INAFM1: variants seen among roughly 807,000 people sequenced by gnomAD.
The protein encoded by INAFM1 is putative transmembrane protein INAFM1.
INAFM1 carries 11 observed loss-of-function variants against 9.4 expected under a neutral mutation model. That is an observed-to-expected ratio of 1.17 (90% confidence interval 0.74 to 1.94). The LOEUF (loss-of-function observed/expected upper bound fraction) is 1.94, where lower values mean the gene tolerates loss of function less well. Ranked by LOEUF, INAFM1 falls within the 30% of genes most tolerant of loss-of-function variation. The pLI, the probability that INAFM1 is intolerant of heterozygous loss-of-function variation, is 0.00. For missense variants in INAFM1, 318 were observed against 221.6 expected (o/e 1.44, Z -2.76); for synonymous variants, 161 against 109.5 (o/e 1.47, Z -2.94).
upstream of INAFM1, chr19:47,274,729 G>T: frequency 3.5e-6 from 1 of 286,218 alleles, no homozygotes; most frequent in Admixed American, 6.0e-5. Context: ...CCTGTCGGTG[G>T]TGGGGCGGAG....
At position 47,275,133 on chromosome 19, in the gene INAFM1, C is replaced by G. The variant is rs1281134441; in HGVS notation, c.214C>G (p.Pro72Ala). 6.7e-7 allele frequency: 1 copy of G among 1,490,784 alleles called. No homozygotes were observed. Among genetic ancestry groups the G allele is most frequent in the South Asian group, 1.3e-5 (1 of 78,830 alleles). The allele number at this position is 1,490,784 out of a possible 1,614,324, so 92.3% of individuals were successfully genotyped here. A position where few individuals can be genotyped will look rare whatever the true frequency, so the allele number is the denominator to read the frequency against. The change falls in exon 1 of 1, where the codon CCG (proline) becomes GCG (alanine). Residue 72 changes from proline to alanine, a missense_variant. Coordinates refer to ENST00000552360, the MANE Select transcript of INAFM1 (RefSeq NM_178511.6). The stretch of plus-strand genomic sequence containing the variant: ...ACCCGCCGGCCCACAGCCCAGCGCG[C>G]CGTCCCCTCCGTGTGCTGCCCGCCC... ...AAPAGPQPSA[P>A]SPPCAARPGV...
chr19:47,275,513 GGCCTTGCCTCTTGCA>G lies in INAFM1; in HGVS notation c.*168_*182del. On this transcript the variant is annotated 3_prime_UTR_variant, in exon 1 of 1. Coordinates refer to ENST00000552360, the MANE Select transcript of INAFM1 (RefSeq NM_178511.6). ...GGGGGCCCAGGGGGTGTCAGCTCGG[GGCCTTGCCTCTTGCA>G]GCTACTCTGTGGTCAGGCCGGGTCC... The G allele has an allele frequency of 1.0e-6, 1 of 985,568 alleles. No individual in the cohort carries two copies. Among genetic ancestry groups the G allele is most frequent in the South Asian group, 1.8e-5 (1 of 55,648 alleles). The allele number at this position is 985,568 out of a possible 1,614,324, so 61.1% of individuals were successfully genotyped here. A position where few individuals can be genotyped will look rare whatever the true frequency, so the allele number is the denominator to read the frequency against.
At position 47,275,063 on chromosome 19, in the gene INAFM1, C is replaced by G; in HGVS notation, c.144C>G (p.Ala48=). ...TCTCGCTAGCTGCCGTGCTGCTCGCCGTGTACTACGGTCTCATCTGGGTAC... is the reference window on the plus strand; with the variant it reads ...TCTCGCTAGCTGCCGTGCTGCTCGCGGTGTACTACGGTCTCATCTGGGTAC... The part of the protein sequence containing the change: ...LCVSLAAVLL[A]VYYGLIWVPT... The change falls in exon 1 of 1, where the codon GCC becomes GCG. Residue 48 remains alanine (A), a synonymous_variant. Coordinates refer to ENST00000552360, the MANE Select transcript of INAFM1 (RefSeq NM_178511.6). 6.7e-7 allele frequency: 1 copy of G among 1,494,994 alleles called. No homozygotes were observed. Among genetic ancestry groups the G allele is most frequent in the African/African-American group, 1.5e-5 (1 of 68,698 alleles). 92.6% of individuals were successfully genotyped at this position (1,494,994 alleles called of 1,614,324 possible).
Position 47,275,424 on chromosome 19 carries a change from G to T in INAFM1, c.*76G>T, listed in dbSNP as rs1323355673. On this transcript the variant is annotated 3_prime_UTR_variant, in exon 1 of 1. Transcript: ENST00000552360. ...CCACGCCGAGGATGCACCGTCTCTG[G>T]ATTGGTCCGGCCTTCTTCCTAATGA... 10 of 1,478,360 alleles carry T rather than the reference G, an allele frequency of 6.8e-6. No homozygotes were observed. The highest frequency in any genetic ancestry group is 9.0e-6 in the Non-Finnish European group (10 of 1,111,170). 91.6% of individuals were successfully genotyped at this position (1,478,360 alleles called of 1,614,324 possible). A position where few individuals can be genotyped will look rare whatever the true frequency, so the allele number is the denominator to read the frequency against.
rs932113724 is a variant in INAFM1, at chr19:47,275,546, C to A, written c.*198C>A. On this transcript the variant is annotated 3_prime_UTR_variant, in exon 1 of 1. Coordinates refer to ENST00000552360, the MANE Select transcript of INAFM1 (RefSeq NM_178511.6). ...CTCTTGCAGCTACTCTGTGGTCAGG[C>A]CGGGTCCTCCACCATCAGGAAGATC... is the stretch of plus-strand genomic sequence containing the variant. 36 of 686,494 alleles carry A rather than the reference C, an allele frequency of 5.2e-5. No individual in the cohort carries two copies. In the African/African-American group the frequency reaches 6.8e-4, roughly 13 times the overall value. The allele number at this position is 686,494 out of a possible 1,614,324, so 42.5% of individuals were successfully genotyped here.
upstream of INAFM1, chr19:47,274,799 T>C (rs1419976403): frequency 3.3e-6 from 2 of 603,820 alleles, no homozygotes; most frequent in Non-Finnish European, 4.0e-6. Flanking sequence ...GTGACCATGC[T>C]GGCGGGGGCG....
Position 47,275,287 on chromosome 19 carries a change from G to C in INAFM1, c.368G>C (p.Arg123Pro), listed in dbSNP as rs1347529967. ...RRRRYSDPDR[R>P]PSRQTPRETP... ...CGCCGCTACAGCGACCCTGACCGCC[G>C]TCCGAGCCGCCAGACACCCAGAGAG... is the stretch of plus-strand genomic sequence containing the variant. The change falls in exon 1 of 1, where the codon CGT becomes CCT. Residue 123 changes from arginine to proline, a missense_variant. Physicochemically the swap from Arg to Pro is moderately radical, Grantham distance 103 (BLOSUM62 -2). Coordinates refer to ENST00000552360, the MANE Select transcript of INAFM1 (RefSeq NM_178511.6). 2.6e-6 allele frequency: 4 copies of C among 1,545,872 alleles called. No individual in the cohort carries two copies. Among genetic ancestry groups the C allele is most frequent in the Non-Finnish European group, 2.6e-6 (3 of 1,145,210 alleles).
At chr19:47,274,754 GC>G (rs1340262586), upstream of INAFM1, 1 of 322,496 alleles carries the variant, frequency 3.1e-6, no homozygotes, top group Non-Finnish European at 4.7e-6. Context: ...GAGGGGGTGG[GC>G]CTAGGATGCG....
Position 47,274,979 on chromosome 19 carries a change from C to G in INAFM1, c.60C>G (p.Ser20Arg). 6.9e-7 allele frequency: 1 copy of G among 1,455,390 alleles called. No individual in the cohort carries two copies. Among genetic ancestry groups the G allele is most frequent in the Non-Finnish European group, 9.0e-7 (1 of 1,108,676 alleles). 90.2% of individuals were successfully genotyped at this position (1,455,390 alleles called of 1,614,324 possible). ...AGAGCCCCGGAGGCGCGGGGCTGAG[C>G]GAGGGCCCGCGGGGGCGCTGGCTGC... ...GAESPGGAGL[S>R]EGPRGRWLRL... The change falls in exon 1 of 1, where the codon AGC becomes AGG. Residue 20 changes from serine (S) to arginine (R), a missense_variant. Coordinates refer to ENST00000552360, the MANE Select transcript of INAFM1 (RefSeq NM_178511.6).
At position 47,275,662 on chromosome 19, in the gene INAFM1, T is replaced by G; in HGVS notation, c.*314T>G. ...CTGCCTCTTCACCTCCCTGAATCCG[T>G]GTCCATCTGCAATAAACGACAGCCT... On this transcript the variant is annotated 3_prime_UTR_variant, in exon 1 of 1. Coordinates refer to ENST00000552360, the MANE Select transcript of INAFM1 (RefSeq NM_178511.6). 1 of 414,198 alleles carries G rather than the reference T, an allele frequency of 2.4e-6. No homozygotes were observed. The allele number at this position is 414,198 out of a possible 1,614,324, so 25.7% of individuals were successfully genotyped here.
At chr19:47,274,760 G>A (rs1171413913), upstream of INAFM1, 3 of 357,980 alleles carry the variant, frequency 8.4e-6, no homozygotes, top group Admixed American at 6.4e-5. Context: ...GTGGGCCTAG[G>A]ATGCGGAGGC....
rs1568645681 is a variant in INAFM1, at chr19:47,275,242, A to T, written c.323A>T (p.Gln108Leu). ...GVPGGPRPQL[Q>L]LPLSRRRRYS... ...CCCGGCGGGCCGCGACCCCAGCTCCAGCTGCCGCTGAGCCGCCGCCGCCGC... is the reference window on the plus strand; with the variant it reads ...CCCGGCGGGCCGCGACCCCAGCTCCTGCTGCCGCTGAGCCGCCGCCGCCGC... The change falls in exon 1 of 1, where the codon CAG (glutamine) becomes CTG (leucine). Residue 108 changes from glutamine to leucine, a missense_variant. Coordinates refer to ENST00000552360, the MANE Select transcript of INAFM1 (RefSeq NM_178511.6). 6.5e-7 allele frequency: 1 copy of T among 1,536,444 alleles called. No homozygotes were observed. Among genetic ancestry groups the T allele is most frequent in the Admixed American group, 2.0e-5 (1 of 50,410 alleles).
Position 47,274,990 on chromosome 19 carries a change from G to A in INAFM1, c.71G>A (p.Arg24Gln). ...PGGAGLSEGP[R>Q]GRWLRLAPVC... ...GGCGCGGGGCTGAGCGAGGGCCCGC[G>A]GGGGCGCTGGCTGCGCTTGGCTCCG... The change falls in exon 1 of 1, where the codon CGG (arginine) becomes CAG (glutamine). Residue 24 changes from arginine (R) to glutamine (Q), a missense_variant. Arg to Gln is a conservative substitution (Grantham distance 43). Coordinates refer to ENST00000552360, the MANE Select transcript of INAFM1 (RefSeq NM_178511.6). 6.8e-7 allele frequency: 1 copy of A among 1,468,068 alleles called. No individual in the cohort carries two copies. Among genetic ancestry groups the A allele is most frequent in the Non-Finnish European group, 9.0e-7 (1 of 1,113,926 alleles). 90.9% of individuals were successfully genotyped at this position (1,468,068 alleles called of 1,614,324 possible).
In INAFM1 at chr19:47,275,215, T is replaced by C. The variant is rs1371989305; in HGVS notation, c.296T>C (p.Val99Ala). 6.6e-7 allele frequency: 1 copy of C among 1,526,432 alleles called. No homozygotes were observed. The highest frequency in any genetic ancestry group is 1.2e-5 in the South Asian group (1 of 82,812). 94.6% of individuals were successfully genotyped at this position (1,526,432 alleles called of 1,614,324 possible). A position where few individuals can be genotyped will look rare whatever the true frequency, so the allele number is the denominator to read the frequency against. Residue 99 changes from valine (V) to alanine (A), a missense_variant, in exon 1 of 1, where the codon GTC becomes GCC. Transcript: ENST00000552360. ...AAASLSCLLG[V>A]PGGPRPQLQL... The stretch of plus-strand genomic sequence containing the variant: ...GCCTCCCTCTCCTGCCTCCTGGGAG[T>C]CCCCGGCGGGCCGCGACCCCAGCTC...
chr19:47,274,935 T>G lies in INAFM1; in HGVS notation c.16T>G (p.Cys6Gly). The G allele has an allele frequency of 7.5e-7, 1 of 1,324,840 alleles. No homozygotes were observed. The highest frequency in any genetic ancestry group is 9.5e-7 in the Non-Finnish European group (1 of 1,051,778). The allele number at this position is 1,324,840 out of a possible 1,614,324, so 82.1% of individuals were successfully genotyped here. A position where few individuals can be genotyped will look rare whatever the true frequency, so the allele number is the denominator to read the frequency against. ...GGCTGCGGGGATGCGGGGGACCAGC[T>G]GCGTGGGCGGCGGCGCCGAGAGCCC... MRGTS[C>G]VGGGAESPGG... The change falls in exon 1 of 1, where the codon TGC becomes GGC. Residue 6 changes from cysteine (C) to glycine (G), a missense_variant. By Grantham distance (159) the Cys-to-Gly change is radical. Transcript: ENST00000552360.
In INAFM1 at chr19:47,275,688, C is replaced by CG; in HGVS notation, c.*342dup. On this transcript the variant is annotated 3_prime_UTR_variant, in exon 1 of 1. Coordinates refer to ENST00000552360, the MANE Select transcript of INAFM1 (RefSeq NM_178511.6). ...GTCCATCTGCAATAAACGACAGCCTCGGCTGCCTCGTGCTGTGTCTGTCCT... is the reference window on the plus strand; with the variant it reads ...GTCCATCTGCAATAAACGACAGCCTCGGGCTGCCTCGTGCTGTGTCTGTCCT... The CG allele has an allele frequency of 2.8e-6, 1 of 353,202 alleles. No individual in the cohort carries two copies. Among genetic ancestry groups the CG allele is most frequent in the South Asian group, 5.2e-5 (1 of 19,104 alleles). 21.9% of individuals were successfully genotyped at this position (353,202 alleles called of 1,614,324 possible). A position where few individuals can be genotyped will look rare whatever the true frequency, so the allele number is the denominator to read the frequency against.
upstream of INAFM1, chr19:47,274,663 G>T: frequency 4.0e-6 from 1 of 251,854 alleles, no homozygotes; most frequent in Non-Finnish European, 7.1e-6. Flanking sequence ...TGATTGGGGT[G>T]GTGGGGCTAA....
Position 47,275,229 on chromosome 19 carries a change from C to G in INAFM1, c.310C>G (p.Arg104Gly). ...CCTCCTGGGAGTCCCCGGCGGGCCG[C>G]GACCCCAGCTCCAGCTGCCGCTGAG... Reference protein sequence around the residue: ...SCLLGVPGGPRPQLQLPLSRR... With the variant: ...SCLLGVPGGPGPQLQLPLSRR... Residue 104 changes from arginine to glycine, a missense_variant, in exon 1 of 1, where the codon CGA becomes GGA. Physicochemically the swap from Arg to Gly is moderately radical, Grantham distance 125. Transcript: ENST00000552360. 1.3e-6 allele frequency: 2 copies of G among 1,531,252 alleles called. No individual in the cohort carries two copies. The highest frequency in any genetic ancestry group is 1.8e-6 in the Non-Finnish European group (2 of 1,139,598). 94.9% of individuals were successfully genotyped at this position (1,531,252 alleles called of 1,614,324 possible).
Position 47,275,101 on chromosome 19 carries a change from C to T in INAFM1, c.182C>T (p.Pro61Leu), listed in dbSNP as rs1241522061. 4 of 1,493,636 alleles carry T rather than the reference C, an allele frequency of 2.7e-6. No homozygotes were observed. Among genetic ancestry groups the T allele is most frequent in the South Asian group, 1.3e-5 (1 of 79,320 alleles). 92.5% of individuals were successfully genotyped at this position (1,493,636 alleles called of 1,614,324 possible). A position where few individuals can be genotyped will look rare whatever the true frequency, so the allele number is the denominator to read the frequency against. Residue 61 changes from proline to leucine, a missense_variant, in exon 1 of 1, where the codon CCC becomes CTC. Physicochemically the swap from Pro to Leu is moderately conservative, Grantham distance 98. Coordinates refer to ENST00000552360, the MANE Select transcript of INAFM1 (RefSeq NM_178511.6). ...YGLIWVPTRS[P>L]AAPAGPQPSA... is the part of the protein sequence containing the mutation. ...CTCATCTGGGTACCCACGCGGTCTC[C>T]CGCGGCACCCGCCGGCCCACAGCCC...
Sources: allele counts gnomAD v4.1 joint callset, GRCh38; gene constraint gnomAD v4.1.1; transcripts MANE v1.5; gene names NCBI Gene and HGNC (gene_info 2026-07-23, HGNC 2026-07-21).